SLC25A51: variants seen among roughly 807,000 people sequenced by gnomAD.
SLC25A51 encodes mitochondrial nicotinamide adenine dinucleotide transporter SLC25A51.
SLC25A51 carries 11 observed loss-of-function variants against 19.1 expected under a neutral mutation model. The observed-to-expected ratio is 0.58, with a 90% CI of 0.36 to 0.96. The LOEUF is 0.96. Among genes scored for constraint, SLC25A51 ranks in the 40% least tolerant of loss-of-function variants. SLC25A51 has a pLI of 0.01. For missense variants in SLC25A51, 201 were observed against 365.4 expected, an observed-to-expected ratio of 0.55 and a Z score of 3.67; for synonymous variants, 105 against 133.6, an observed-to-expected ratio of 0.79 and a Z score of 1.47.
chr9:37,897,339 G>A (rs1378244108), intron 2 of SLC25A51, among the ~76,000 whole-genome samples: 1 of 152,124 alleles, frequency 6.6e-6, no homozygotes, highest in East Asian at 1.9e-4. Context: ...ACAGACATGA[G>A]CCACTTTGCC....
At chr9:37,885,944 G>C, downstream of SLC25A51, 1 of 1,613,146 alleles carries the variant, frequency 6.2e-7, no homozygotes, top group South Asian at 1.1e-5. Flanking sequence ...CATTGATGAG[G>C]AACTAGAACG....
chr9:37,894,852 G>GT (rs1831678900), intron 2 of SLC25A51, among the ~76,000 whole-genome samples: 1 of 152,048 alleles, frequency 6.6e-6, no homozygotes, highest in Non-Finnish European at 1.5e-5. Flanking sequence ...GCTTCCACTT[G>GT]TAAGTGAGAA....
exon 4 of SLC25A51, chr9:37,880,141 T>A (rs948438730): frequency 6.6e-5 from 10 of 150,954 alleles, no homozygotes; most frequent in African/African-American, 2.4e-4. Context: ...CGCAAAACTG[T>A]CTCTACTGAA....
downstream of SLC25A51, among the ~76,000 whole-genome samples, chr9:37,884,586 C>T (rs1831409940): frequency 6.6e-6 from 1 of 152,154 alleles, no homozygotes; most frequent in South Asian, 2.1e-4. Flanking sequence ...CATTAATAGA[C>T]TTCCAAAACA....
Position 37,888,002 on chromosome 9 carries a change from A to G in SLC25A51, c.549T>C (p.Asn183=), listed in dbSNP as rs1368043682. 1.2e-6 allele frequency: 2 copies of G among 1,612,252 alleles called. No individual in the cohort carries two copies. The highest frequency in any genetic ancestry group is 1.7e-5 in the Admixed American group (1 of 60,014). ...CGAAAAACAAGACATTGCTGAGTCC[A>G]TTCCGGAAAAGAATGGGCACCAAGC... ...YRGLVPILFR[N]GLSNVLFFGL... is the part of the protein sequence containing the mutation. Residue 183 remains asparagine, a synonymous_variant, in exon 3 of 3, where the codon AAT becomes AAC. Coordinates refer to ENST00000242275, the MANE Select transcript of SLC25A51 (RefSeq NM_033412.4).
intron 1 of SLC25A51, chr9:37,903,769 C>G (rs567481349): frequency 7.7e-4 from 117 of 152,364 alleles, no homozygotes; most frequent in Admixed American, 2.2e-3. Context: ...AGGTGCCTCC[C>G]CAGCCCAGGG....
chr9:37,900,825 C>T (rs941309675), intron 1 of SLC25A51, among the ~76,000 whole-genome samples: 1 of 152,184 alleles, frequency 6.6e-6, no homozygotes, highest in African/African-American at 2.4e-5. Flanking sequence ...AGCAAAGCAG[C>T]AGCTTGTGAA....
At chr9:37,880,874 C>T (rs1012233202) in intron 3 of SLC25A51, 4 of 152,246 alleles carry the variant, frequency 2.6e-5, no homozygotes, top group African/African-American at 9.6e-5. Flanking sequence ...CTACTCCTCA[C>T]TCTGGAGGTC....
At position 37,888,337 on chromosome 9, in the gene SLC25A51, A is replaced by G; in HGVS notation, c.214T>C (p.Leu72=). Residue 72 remains leucine (L), a synonymous_variant, in exon 3 of 3, where the codon TTG becomes CTG. Coordinates refer to ENST00000242275, the MANE Select transcript of SLC25A51 (RefSeq NM_033412.4). ...AAATTTCGAAATCCATCCCTTCTCA[A>G]CTGAAGTATTGCATCCCGGGTTTTG... ...GIKTRDAILQ[L]RRDGFRNLYR... is the part of the protein sequence containing the mutation. 1.2e-6 allele frequency: 2 copies of G among 1,614,246 alleles called. No individual in the cohort carries two copies. Among genetic ancestry groups the G allele is most frequent in the Non-Finnish European group, 1.7e-6 (2 of 1,180,042 alleles).
intron 1 of SLC25A51, among the ~76,000 whole-genome samples, chr9:37,901,471 T>G (rs914501937): frequency 1.3e-5 from 2 of 152,212 alleles, no homozygotes; most frequent in Non-Finnish European, 2.9e-5. Flanking sequence ...GCCTGGCTTA[T>G]TTTCTTGTAA....
At chr9:37,902,686 AC>A (rs1172349684) in intron 1 of SLC25A51, among the ~76,000 whole-genome samples, 3 of 152,244 alleles carry the variant, frequency 2.0e-5, no homozygotes, top group Non-Finnish European at 4.4e-5. Context: ...ATTTACCATA[AC>A]TTTACGCTTG....
At chr9:37,886,377 A>G (rs1198255757), downstream of SLC25A51, 12 of 1,602,568 alleles carry the variant, frequency 7.5e-6, no homozygotes, top group Admixed American at 1.7e-4. Context: ...GGGGAAAGCA[A>G]GAAGGATAAA....
downstream of SLC25A51, chr9:37,886,161 T>A: frequency 6.9e-7 from 1 of 1,454,500 alleles, no homozygotes; most frequent in East Asian, 2.3e-5. Flanking sequence ...CCTACCCTGA[T>A]CCTGTTCCAA....
intron 2 of SLC25A51, among the ~76,000 whole-genome samples, chr9:37,890,995 T>C (rs1831570750): frequency 6.6e-6 from 1 of 152,074 alleles, no homozygotes; most frequent in Non-Finnish European, 1.5e-5. Context: ...GGACAAAAGA[T>C]GTTAAAGAGA....
At position 37,891,237 on chromosome 9, in the gene SLC25A51, G is replaced by C. The variant is rs914894351; in HGVS notation, c.-42-2645C>G. ...CAGCCGCCCCGTCCAGGAGGGAGGTGGGGGGCAGCCCCCACCCGGCCAGCC... is the reference window on the plus strand; with the variant it reads ...CAGCCGCCCCGTCCAGGAGGGAGGTCGGGGGCAGCCCCCACCCGGCCAGCC... On this transcript the variant is annotated intron_variant, in intron 2 of 2. Transcript: ENST00000242275. 7.9e-5 allele frequency among the ~76,000 whole-genome samples: 12 copies of C among 152,200 alleles called. No homozygotes were observed. The South Asian group carries it at 1.0e-3, about 13-fold the overall frequency.
chr9:37,894,390 G>A (rs1013998959), intron 2 of SLC25A51, among the ~76,000 whole-genome samples: 4 of 150,612 alleles, frequency 2.7e-5, no homozygotes, highest in Admixed American at 6.6e-5. Context: ...GCAGTGGTGC[G>A]ATCTCGGCTC....
chr9:37,903,553 C>G (rs567377502), intron 1 of SLC25A51: 1 of 152,326 alleles, frequency 6.6e-6, no homozygotes, highest in Non-Finnish European at 1.5e-5. Flanking sequence ...GTCCATTTCC[C>G]CAACCTGTGA....
At chr9:37,903,263 C>A (rs1273670774) in intron 1 of SLC25A51, among the ~76,000 whole-genome samples, 3 of 152,102 alleles carry the variant, frequency 2.0e-5, no homozygotes, top group East Asian at 3.9e-4. Flanking sequence ...ATTTCAAGGG[C>A]TTCTGTTTCA....
At chr9:37,901,334 A>C (rs945551680) in intron 1 of SLC25A51, among the ~76,000 whole-genome samples, 2 of 151,704 alleles carry the variant, frequency 1.3e-5, no homozygotes, top group Non-Finnish European at 2.9e-5. Flanking sequence ...TACCCGGCTA[A>C]TTTCTGTATT....
Sources: allele counts gnomAD v4.1 joint callset (sites outside exome capture counted in the v4.1 genomes callset), GRCh38; gene constraint gnomAD v4.1.1; transcripts MANE v1.5; gene names NCBI Gene and HGNC (gene_info 2026-07-23, HGNC 2026-07-21).